The following NTPCR variants were observed in gnomAD, a reference collection of about 807,000 sequenced individuals.
The protein encoded by NTPCR is cancer-related nucleoside-triphosphatase.
NTPCR carries 15 observed loss-of-function variants against 19.5 expected under a neutral mutation model. The observed-to-expected ratio is 0.77, with a 90% CI of 0.51 to 1.18. The LOEUF is 1.18. NTPCR is among the 50% of genes most tolerant of loss of function. NTPCR has a pLI of 0.00. For missense variants in NTPCR, 206 were observed against 240.4 expected (o/e 0.86, Z 0.95); for synonymous variants, 90 against 95.8 (o/e 0.94, Z 0.36).
Position 232,969,461 on chromosome 1 carries a change from G to A in NTPCR, c.295-448G>A, listed in dbSNP as rs184253219. On this transcript the variant is annotated intron_variant, in intron 3 of 4. Transcript: ENST00000366628. ...CCATATGAGATTCCCTACGTGCTGG[G>A]GGGGAGATAACTGCTCTAGGTAGAT... 1.7e-4 allele frequency: 27 copies of A among 158,908 alleles called. 1 individual carries two copies. Among genetic ancestry groups the A allele is most frequent in the Admixed American group, 6.5e-4 (11 of 16,954 alleles). The allele number at this position is 158,908 out of a possible 1,614,324, so 9.8% of individuals were successfully genotyped here.
intron 3 of NTPCR, chr1:232,969,131 G>T (rs2102752879): frequency 6.6e-6 from 1 of 152,380 alleles, no homozygotes; most frequent in South Asian, 2.1e-4. Context: ...TGCCTGGGAG[G>T]GCCCTGCCTC....
intron 4 of NTPCR, among the ~76,000 whole-genome samples, chr1:232,975,070 A>G (rs566305093): frequency 6.6e-4 from 101 of 152,326 alleles, no homozygotes; most frequent in Non-Finnish European, 1.1e-3. Context: ...AGTTAATGTC[A>G]TAACATTGAA....
intron 1 of NTPCR, among the ~76,000 whole-genome samples, chr1:232,951,707 G>T (rs771246731): frequency 6.6e-6 from 1 of 152,150 alleles, no homozygotes; most frequent in Non-Finnish European, 1.5e-5. Context: ...GTTGTAAGTA[G>T]CAAAGGCTAC....
At chr1:232,962,486 C>T (rs188347339) in intron 3 of NTPCR, 2 of 152,224 alleles carry the variant, frequency 1.3e-5, no homozygotes, top group Admixed American at 6.5e-5. Flanking sequence ...ATAATGCTGG[C>T]CTTTTTCATA....
Position 232,976,654 on chromosome 1 carries a change from C to T in NTPCR, c.505-1509C>T, listed in dbSNP as rs574008235. 19 of 1,353,168 alleles carry T rather than the reference C, an allele frequency of 1.4e-5. No individual in the cohort carries two copies. The East Asian group carries it at 3.1e-4, about 22-fold the overall frequency. 83.8% of individuals were successfully genotyped at this position (1,353,168 alleles called of 1,614,324 possible). A position where few individuals can be genotyped will look rare whatever the true frequency, so the allele number is the denominator to read the frequency against. The stretch of plus-strand genomic sequence containing the variant: ...TCCTCATTTCAAGTGGAGCCACAGC[C>T]GCCCAGGATTGACGCAGCCAGGACC... On this transcript the variant is annotated intron_variant, in intron 4 of 4. Transcript: ENST00000366628.
At position 232,982,626 on chromosome 1, in the gene NTPCR, T is replaced by C. The variant is rs1250086537; in HGVS notation, c.*4395T>C. On this transcript the variant is annotated 3_prime_UTR_variant, in exon 5 of 5. Coordinates refer to ENST00000366628, the MANE Select transcript of NTPCR (RefSeq NM_032324.3). Reference sequence around the variant, plus strand: ...GGTGCTCTTGCTCTCTTGCCTGCGCTGCCATTTCCTTCCAGCCTGGGTTTC... The same window carrying C: ...GGTGCTCTTGCTCTCTTGCCTGCGCCGCCATTTCCTTCCAGCCTGGGTTTC... 1 of 152,254 alleles carries C rather than the reference T, an allele frequency of 6.6e-6. No homozygotes were observed. The highest frequency in any genetic ancestry group is 2.4e-5 in the African/African-American group (1 of 41,472). 9.4% of individuals were successfully genotyped at this position (152,254 alleles called of 1,614,324 possible).
intron 4 of NTPCR, among the ~76,000 whole-genome samples, chr1:232,972,636 G>A (rs1453242669): frequency 6.6e-6 from 1 of 151,278 alleles, no homozygotes; most frequent in Non-Finnish European, 1.5e-5. Flanking sequence ...ATGTTGCCCG[G>A]GGTTGATCTC....
chr1:232,958,313 C>A (rs1395795314), intron 3 of NTPCR, among the ~76,000 whole-genome samples: 1 of 152,234 alleles, frequency 6.6e-6, no homozygotes, highest in Admixed American at 6.5e-5. Flanking sequence ...TGCCATTCTT[C>A]AGCCACACTG....
intron 4 of NTPCR, chr1:232,976,268 T>C: frequency 7.1e-7 from 1 of 1,413,044 alleles, no homozygotes; most frequent in South Asian, 1.6e-5. Context: ...ATTATCATTT[T>C]TGTGGTGATG....
At chr1:232,974,239 T>C (rs1331236360) in intron 4 of NTPCR, among the ~76,000 whole-genome samples, 1 of 152,200 alleles carries the variant, frequency 6.6e-6, no homozygotes, top group Non-Finnish European at 1.5e-5. Context: ...AGGTGGTACA[T>C]TTTCCAAGTG....
intron 3 of NTPCR, among the ~76,000 whole-genome samples, chr1:232,961,062 T>C (rs1160926877): frequency 6.6e-6 from 1 of 152,206 alleles, no homozygotes; most frequent in Non-Finnish European, 1.5e-5. Flanking sequence ...CTTAATATGA[T>C]TGAGGGACAT....
In NTPCR at chr1:232,950,645, T is replaced by G. The variant is rs1485752982; in HGVS notation, c.-66T>G. ...CTGAGTCGCGACCCTGGTCCGGACC[T>G]GACCTGAATTGCGACCCCAACCTGG... On this transcript the variant is annotated 5_prime_UTR_variant, in exon 1 of 5. Coordinates refer to ENST00000366628, the MANE Select transcript of NTPCR (RefSeq NM_032324.3). The G allele has an allele frequency of 3.0e-6, 4 of 1,337,780 alleles. No individual in the cohort carries two copies. The highest frequency in any genetic ancestry group is 4.3e-6 in the Non-Finnish European group (4 of 932,644). The allele number at this position is 1,337,780 out of a possible 1,614,324, so 82.9% of individuals were successfully genotyped here. A position where few individuals can be genotyped will look rare whatever the true frequency, so the allele number is the denominator to read the frequency against.
At chr1:232,953,844 T>A (rs1284687745) in intron 1 of NTPCR, among the ~76,000 whole-genome samples, 1 of 152,236 alleles carries the variant, frequency 6.6e-6, no homozygotes, top group Non-Finnish European at 1.5e-5. Flanking sequence ...TAAATACATA[T>A]AAGCAGTATA....
Position 232,955,549 on chromosome 1 carries a change from T to TTTA in NTPCR, c.35-8_35-7insTTA, listed in dbSNP as rs1553266571. The TTTA allele has an allele frequency of 1.4e-6, 2 of 1,447,496 alleles. No homozygotes were observed. Among genetic ancestry groups the TTTA allele is most frequent in the African/African-American group, 2.9e-5 (2 of 67,914 alleles). The allele number at this position is 1,447,496 out of a possible 1,614,324, so 89.7% of individuals were successfully genotyped here. On this transcript the variant is annotated splice_polypyrimidine_tract_variant and splice_region_variant and intron_variant, in intron 1 of 4. Coordinates refer to ENST00000366628, the MANE Select transcript of NTPCR (RefSeq NM_032324.3). ...TTTCTTCTTTTTTTTTTTTTTTTTT[T>TTTA]ATTTTAGGAGTTGGAAAAACAACAT... is the stretch of plus-strand genomic sequence containing the variant.
chr1:232,967,826 T>C (rs1668861692), intron 3 of NTPCR: 1 of 152,192 alleles, frequency 6.6e-6, no homozygotes, highest in Non-Finnish European at 1.5e-5. Context: ...TTACTCTTCG[T>C]CTCTGGGGGC....
At chr1:232,974,469 C>T (rs1215118298) in intron 4 of NTPCR, among the ~76,000 whole-genome samples, 1 of 151,978 alleles carries the variant, frequency 6.6e-6, no homozygotes, top group South Asian at 2.1e-4. Flanking sequence ...CCTCTGTTGA[C>T]TTTTGAAGAA....
Position 232,951,005 on chromosome 1 carries a change from C to T in NTPCR, c.34+261C>T, listed in dbSNP as rs990740734. On this transcript the variant is annotated intron_variant, in intron 1 of 4. Transcript: ENST00000366628. ...GCTTCTTGATGAAGGGCAGAAACCG[C>T]AGGGGCCAGCGGCAGCGGTAACTCC... 23 of 452,756 alleles carry T rather than the reference C, an allele frequency of 5.1e-5. No homozygotes were observed. The South Asian group carries it at 8.2e-4, about 16-fold the overall frequency. 28.0% of individuals were successfully genotyped at this position (452,756 alleles called of 1,614,324 possible).
intron 3 of NTPCR, among the ~76,000 whole-genome samples, chr1:232,960,103 A>G (rs535788663): frequency 1.3e-5 from 2 of 150,760 alleles, no homozygotes; most frequent in East Asian, 4.1e-4. Flanking sequence ...TGTCCCAGGT[A>G]CTCAGGAGGC....
At chr1:232,958,333 G>A (rs1399035761) in intron 3 of NTPCR, among the ~76,000 whole-genome samples, 1 of 152,212 alleles carries the variant, frequency 6.6e-6, no homozygotes, top group Admixed American at 6.5e-5. Context: ...GGTTCAATCA[G>A]ACTTCCCACA....
Sources: gnomAD v4.1 joint callset for allele counts (sites outside exome capture counted in the v4.1 genomes callset) on GRCh38, gnomAD v4.1.1 for gene constraint, MANE v1.5 for transcripts, NCBI Gene and HGNC (gene_info 2026-07-23, HGNC 2026-07-21) for gene names.